The following RBM26 variants were observed in gnomAD, a reference collection of about 807,000 sequenced individuals.
RBM26 encodes the protein RNA binding motif protein 26, also known as RNA-binding protein 26.
Under a neutral mutation model 123.6 loss-of-function variants are expected in RBM26, and 30 were observed. The ratio of observed to expected loss-of-function variants is 0.24; its 90% CI spans 0.18 to 0.33. The LOEUF (loss-of-function observed/expected upper bound fraction) is 0.33. Among genes scored for constraint, RBM26 ranks in the 10% least tolerant of loss-of-function variants. The pLI is 1.00. For missense variants in RBM26, 947 were observed against 1,203.6 expected (o/e 0.79, Z 3.15); for synonymous variants, 400 against 404.4 (o/e 0.99, Z 0.13).
At position 79,379,785 on chromosome 13, in the gene RBM26, C is replaced by A. The variant is rs551839334; in HGVS notation, c.72-878G>T. On this transcript the variant is annotated intron_variant, in intron 1 of 21. Coordinates refer to ENST00000438737, the MANE Select transcript of RBM26 (RefSeq NM_001366735.2). ...TCACAAAAAGGCTAATTCCCCTAACCCACAGTGTTTTTACCGAGACTAACA... is the reference window on the plus strand; with the variant it reads ...TCACAAAAAGGCTAATTCCCCTAACACACAGTGTTTTTACCGAGACTAACA... Among the ~76,000 whole-genome samples, 94 of 150,174 alleles carry A rather than the reference C, an allele frequency of 6.3e-4. 1 individual carries two copies. Among genetic ancestry groups the A allele is most frequent in the Non-Finnish European group, 1.1e-3 (76 of 67,644 alleles).
intron 1 of RBM26, among the ~76,000 whole-genome samples, chr13:79,400,480 A>G (rs963687811): frequency 6.6e-6 from 1 of 152,218 alleles, no homozygotes; most frequent in African/African-American, 2.4e-5. Flanking sequence ...ACAAAGGCAG[A>G]GCCCTCGTGA....
At chr13:79,395,701 T>C (rs1368563623) in intron 1 of RBM26, among the ~76,000 whole-genome samples, 2 of 152,108 alleles carry the variant, frequency 1.3e-5, no homozygotes, top group East Asian at 1.9e-4. Flanking sequence ...GCTATAATCA[T>C]GCCACTGCAC....
intron 1 of RBM26, among the ~76,000 whole-genome samples, chr13:79,398,827 GT>G (rs1045926138): frequency 3.9e-5 from 6 of 152,194 alleles, no homozygotes; most frequent in East Asian, 1.9e-4. Flanking sequence ...CTGTTCTGAA[GT>G]TGGGTAGATT....
At chr13:79,390,224 ATTG>A (rs577236731) in intron 1 of RBM26, among the ~76,000 whole-genome samples, 79 of 152,290 alleles carry the variant, frequency 5.2e-4, no homozygotes, top group African/African-American at 1.8e-3. Flanking sequence ...GAGCATTATT[ATTG>A]TTAACTACTG....
Position 79,320,567 on chromosome 13 carries a change from T to A in RBM26, c.*54A>T. On this transcript the variant is annotated 3_prime_UTR_variant, in exon 22 of 22. Coordinates refer to ENST00000438737, the MANE Select transcript of RBM26 (RefSeq NM_001366735.2). ...AAATATGTAAAAGTACATTAGATAA[T>A]ACTAATGAAACACAGGTAGAGTTCT... 18 of 1,456,648 alleles carry A rather than the reference T, an allele frequency of 1.2e-5. No homozygotes were observed. Among genetic ancestry groups the A allele is most frequent in the Non-Finnish European group, 1.6e-5 (18 of 1,096,766 alleles). The allele number at this position is 1,456,648 out of a possible 1,614,324, so 90.2% of individuals were successfully genotyped here.
chr13:79,361,531 T>C (rs1156656939), intron 9 of RBM26, among the ~76,000 whole-genome samples: 2 of 152,180 alleles, frequency 1.3e-5, no homozygotes, highest in African/African-American at 2.4e-5. Flanking sequence ...TACTTCACTT[T>C]ACTTGCTCGT....
rs2067785415 is a variant in RBM26 at position 79,322,373 on chromosome 13, T to C, written c.2910A>G (p.Glu970=). 6.3e-7 allele frequency: 1 copy of C among 1,575,822 alleles called. No individual in the cohort carries two copies. The highest frequency in any genetic ancestry group is 8.6e-7 in the Non-Finnish European group (1 of 1,164,366). ...PVTNISAVET[E]EVEPDEEEFQ... is the part of the protein sequence containing the mutation. Reference sequence around the variant, plus strand: ...CTTCTTCTTCATCAGGCTCAACTTCTTCTGTTTCAACAGCTGAAATATTAG... The same window carrying C: ...CTTCTTCTTCATCAGGCTCAACTTCCTCTGTTTCAACAGCTGAAATATTAG... The change falls in exon 21 of 22, where the codon GAA becomes GAG. Residue 970 remains glutamate, a synonymous_variant. Transcript: ENST00000438737.
Position 79,366,554 on chromosome 13 carries a change from TAA to T in RBM26, c.1135+77_1135+78del, listed in dbSNP as rs1425234168. ...TTTTTGGGATTCCTTTAGATACTTT[TAA>T]TTTAAGAATCTATTAAGTTTTAAAA... On this transcript the variant is annotated intron_variant, in intron 7 of 21. Transcript: ENST00000438737. 1.7e-5 allele frequency: 24 copies of T among 1,391,016 alleles called. No homozygotes were observed. The East Asian group carries it at 3.1e-4, about 18-fold the overall frequency. 86.2% of individuals were successfully genotyped at this position (1,391,016 alleles called of 1,614,324 possible).
intron 17 of RBM26, 29 bp downstream of exon 17, chr13:79,342,635 A>G (rs764071642): frequency 6.7e-7 from 1 of 1,494,268 alleles, no homozygotes; most frequent in East Asian, 2.3e-5. Flanking sequence ...TTAATAAGTA[A>G]TAATATGAAC....
intron 1 of RBM26, among the ~76,000 whole-genome samples, chr13:79,398,210 G>GA (rs1269620177): frequency 6.6e-6 from 1 of 152,078 alleles, no homozygotes; most frequent in Admixed American, 6.5e-5. Context: ...CAAGAAGAGG[G>GA]AAAAAAATCT....
intron 3 of RBM26, among the ~76,000 whole-genome samples, chr13:79,373,396 A>G (rs1388253455): frequency 1.2e-5 from 1 of 82,256 alleles, no homozygotes; most frequent in African/African-American, 5.0e-5. Flanking sequence ...AATATATATA[A>G]TATATATTAT....
chr13:79,398,958 G>A (rs1234846722), intron 1 of RBM26, among the ~76,000 whole-genome samples: 3 of 152,190 alleles, frequency 2.0e-5, no homozygotes, highest in Non-Finnish European at 4.4e-5. Context: ...GCTAGATAAT[G>A]TATATAATGA....
Position 79,368,032 on chromosome 13 carries a change from T to TA in RBM26, c.895+697_895+698insT, listed in dbSNP as rs773187002. ...CTTCAATTCTTTTTATTTTTTTATT[T>TA]TTATTTTTTTTGAGACGGAGTCTCG... On this transcript the variant is annotated intron_variant, in intron 6 of 21. Coordinates refer to ENST00000438737, the MANE Select transcript of RBM26 (RefSeq NM_001366735.2). 1.1e-3 allele frequency among the ~76,000 whole-genome samples: 100 copies of TA among 90,080 alleles called. 1 individual carries two copies. Among genetic ancestry groups the TA allele is most frequent in the South Asian group, 2.3e-3 (6 of 2,580 alleles). The allele number at this position is 90,080 out of a possible 152,430, so 59.1% of individuals were successfully genotyped here.
intron 20 of RBM26, among the ~76,000 whole-genome samples, chr13:79,331,302 C>A (rs2069293727): frequency 6.6e-6 from 1 of 151,936 alleles, no homozygotes; most frequent in Admixed American, 6.5e-5. Flanking sequence ...CTGCGCCTGG[C>A]CCCTCTTTCC....
rs770939536 is a variant in RBM26, at chr13:79,322,359, T to G, written c.2924A>C (p.Asp975Ala). ...SAVETEEVEP[D>A]EEEFQEESLV... ...AAAAAAATAACATACTTCTTCTTCA[T>G]CAGGCTCAACTTCTTCTGTTTCAAC... The change falls in exon 21 of 22, where the codon GAT becomes GCT. Residue 975 changes from aspartate to alanine, a missense_variant. Around this residue, in one of 5 missense-constraint regions of RBM26, gnomAD observed 164 missense variants for 215.3 expected, o/e 0.76. Transcript: ENST00000438737. The G allele has an allele frequency of 6.4e-7, 1 of 1,565,276 alleles. No individual in the cohort carries two copies. The highest frequency in any genetic ancestry group is 8.6e-7 in the Non-Finnish European group (1 of 1,157,542).
At chr13:79,348,960 T>C (rs1315873108) in intron 14 of RBM26, among the ~76,000 whole-genome samples, 4 of 152,198 alleles carry the variant, frequency 2.6e-5, no homozygotes, top group Admixed American at 2.6e-4. Flanking sequence ...TGTATAGAGA[T>C]GTCCCTTAAC....
chr13:79,353,084 T>A (rs1180573477), intron 14 of RBM26, 69 bp downstream of exon 14: 11 of 908,056 alleles, frequency 1.2e-5, no homozygotes, highest in South Asian at 1.7e-5. Context: ...TGAAAAAAAA[T>A]TAAAAATTAA....
chr13:79,366,537 A>T lies in RBM26; in HGVS notation c.1135+96T>A, dbSNP rs183883907. On this transcript the variant is annotated intron_variant, in intron 7 of 21. Coordinates refer to ENST00000438737, the MANE Select transcript of RBM26 (RefSeq NM_001366735.2). The stretch of plus-strand genomic sequence containing the variant: ...TTAATTTCTATCAGGCATTTTTGGG[A>T]TTCCTTTAGATACTTTTAATTTAAG... 235 of 1,278,150 alleles carry T rather than the reference A, an allele frequency of 1.8e-4. 1 individual carries two copies. In the African/African-American group the frequency reaches 3.3e-3, roughly 18 times the overall value. The allele number at this position is 1,278,150 out of a possible 1,614,324, so 79.2% of individuals were successfully genotyped here. A position where few individuals can be genotyped will look rare whatever the true frequency, so the allele number is the denominator to read the frequency against.
At chr13:79,366,976 T>C (rs1394276339) in intron 6 of RBM26, 104 bp from the exon 7 acceptor site, 1 of 967,802 alleles carries the variant, frequency 1.0e-6, no homozygotes, top group Admixed American at 3.0e-5. Flanking sequence ...ATATTTTTAA[T>C]ATTGGACAAA....
Sources: gnomAD v4.1 joint callset for allele counts (sites outside exome capture counted in the v4.1 genomes callset) on GRCh38, gnomAD v4.1.1 for gene constraint, gnomAD v4.1.1 regional missense constraint, MANE v1.5 for transcripts, NCBI Gene and HGNC (gene_info 2026-07-23, HGNC 2026-07-21) for gene names.